VWCE: variants seen among roughly 807,000 people sequenced by gnomAD.
VWCE encodes the protein von Willebrand factor C and EGF domain-containing protein.
Under a neutral mutation model 102.9 loss-of-function variants are expected in VWCE, and 68 were observed. The observed-to-expected ratio is 0.66, with a 90% confidence interval of 0.54 to 0.81. The LOEUF (loss-of-function observed/expected upper bound fraction) is 0.81. Ranked by LOEUF, VWCE falls within the 30% of genes least tolerant of loss-of-function variation. The probability of loss-of-function intolerance (pLI) is 0.00; values close to 1 mark genes in which losing one functional copy is unlikely to be tolerated. For synonymous variants in VWCE, 497 were observed against 515.4 expected, an observed-to-expected ratio of 0.96 and a Z score of 0.48; for missense variants, 1,137 against 1,263.6, an observed-to-expected ratio of 0.90 and a Z score of 1.52.
chr11:61,261,453 T>C (rs1854356137), intron 19 of VWCE, among the ~76,000 whole-genome samples: 1 of 151,540 alleles, frequency 6.6e-6, no homozygotes, highest in Non-Finnish European at 1.5e-5. Flanking sequence ...AAAAAAATCA[T>C]CAAAAGAGGC....
chr11:61,286,442 G>A lies in VWCE; in HGVS notation c.425-12C>T, dbSNP rs1352357386. ...ACATTCGTCAATGTCTGGAAAGACA[G>A]AAAGCACGTGTTTACACAGTGGTCC... On this transcript the variant is annotated splice_polypyrimidine_tract_variant and intron_variant, in intron 4 of 19. Transcript: ENST00000335613. 6.2e-7 allele frequency: 1 copy of A among 1,606,256 alleles called. No individual in the cohort carries two copies. The highest frequency in any genetic ancestry group is 1.1e-5 in the South Asian group (1 of 90,974).
chr11:61,293,033 G>T (rs950470192), intron 1 of VWCE, among the ~76,000 whole-genome samples: 55 of 152,044 alleles, frequency 3.6e-4, no homozygotes, highest in Admixed American at 2.6e-4. Flanking sequence ...CCCGAGGTCA[G>T]GAGTTTGAGA....
chr11:61,258,684 G>A lies in VWCE; in HGVS notation c.2859C>T (p.Ser953=), dbSNP rs1854256864. Residue 953 remains serine (S), a synonymous_variant, in exon 20 of 20, where the codon TCC becomes TCT. Transcript: ENST00000335613. ...GGACACAGTGACCTCCTTACATGGT[G>A]GACTCTTCCCCCCGAGAAGCCCCCA... ...PPVGASRGEE[S]TM is the part of the protein sequence containing the mutation. 3 of 1,395,754 alleles carry A rather than the reference G, an allele frequency of 2.1e-6. No homozygotes were observed. Among genetic ancestry groups the A allele is most frequent in the African/African-American group, 1.5e-5 (1 of 68,326 alleles). 86.5% of individuals were successfully genotyped at this position (1,395,754 alleles called of 1,614,324 possible).
chr11:61,279,980 G>A (rs1348951101), intron 9 of VWCE, among the ~76,000 whole-genome samples: 1 of 152,170 alleles, frequency 6.6e-6, no homozygotes, highest in East Asian at 1.9e-4. Flanking sequence ...GCCCACCTCG[G>A]CCTCCCAAAG....
chr11:61,263,655 A>G (rs757957258), intron 19 of VWCE, among the ~76,000 whole-genome samples: 4 of 152,146 alleles, frequency 2.6e-5, no homozygotes, highest in Non-Finnish European at 5.9e-5. Flanking sequence ...TGTCCTATCT[A>G]AAAGCATCGA....
rs1242707534 is a variant in VWCE at position 61,259,201 on chromosome 11, C to G, written c.2342G>C (p.Ser781Thr). The change falls in exon 20 of 20, where the codon AGC becomes ACC. Residue 781 changes from serine (S) to threonine (T), a missense_variant. Transcript: ENST00000335613. ...HGDTEAPVNC[S>T]SCPGPPTASP... ...TGCTGTCGGGGGCCCAGGACAGGAG[C>G]TACAGTTGACAGGGGCCTCAGTGTC... is the stretch of plus-strand genomic sequence containing the variant. 3.1e-6 allele frequency: 5 copies of G among 1,614,040 alleles called. No individual in the cohort carries two copies. The highest frequency in any genetic ancestry group is 4.2e-6 in the Non-Finnish European group (5 of 1,180,032).
intron 19 of VWCE, among the ~76,000 whole-genome samples, chr11:61,262,223 G>C (rs1163885518): frequency 6.6e-6 from 1 of 152,166 alleles, no homozygotes; most frequent in Non-Finnish European, 1.5e-5. Flanking sequence ...CAAAGTGCTG[G>C]GATTACAGGC....
intron 3 of VWCE, 144 bp downstream of exon 3, chr11:61,291,120 A>T: frequency 8.2e-7 from 1 of 1,218,410 alleles, no homozygotes; most frequent in Non-Finnish European, 1.1e-6. Context: ...CAGTTTCTTC[A>T]TCTATAAAAT....
intron 6 of VWCE, 64 bp from the exon 7 acceptor site, chr11:61,281,978 T>A: frequency 1.3e-6 from 2 of 1,567,420 alleles, no homozygotes; most frequent in South Asian, 2.4e-5. Flanking sequence ...CTTCCGCCCA[T>A]CCCTTAGCTC....
rs146312385 is a variant in VWCE at position 61,273,796 on chromosome 11, G to C, written c.1582-480C>G. 555 of 162,202 alleles carry C rather than the reference G, an allele frequency of 3.4e-3. 1 individual carries two copies. The highest frequency in any genetic ancestry group is 0.013 in the African/African-American group (523 of 41,628). 10.0% of individuals were successfully genotyped at this position (162,202 alleles called of 1,614,324 possible). ...GATGGTCACCACCCCCACTCCCTGG[G>C]GAGCAGAGAGAGTCTCTATAACTGA... On this transcript the variant is annotated intron_variant, in intron 12 of 19. Coordinates refer to ENST00000335613, the MANE Select transcript of VWCE (RefSeq NM_152718.2).
intron 5 of VWCE, 44 bp from the exon 6 acceptor site, chr11:61,282,949 A>T: frequency 6.6e-7 from 1 of 1,526,064 alleles, no homozygotes; most frequent in African/African-American, 1.4e-5. Context: ...TCCCCAACAG[A>T]ACCTTGGAAA....
intron 5 of VWCE, among the ~76,000 whole-genome samples, chr11:61,283,314 C>T (rs1223843759): frequency 3.9e-5 from 6 of 152,310 alleles, no homozygotes; most frequent in East Asian, 3.9e-4. Flanking sequence ...ACAGCAATGC[C>T]GCCCCATAGC....
At chr11:61,280,585 A>G (rs762848596) in intron 9 of VWCE, 39 bp downstream of exon 9, 1 of 1,597,612 alleles carries the variant, frequency 6.3e-7, no homozygotes, top group Non-Finnish European at 8.6e-7. Context: ...AGAGAAAGGA[A>G]GAGGCAGGAC....
At chr11:61,275,440 G>A (rs1270983318) in intron 11 of VWCE, among the ~76,000 whole-genome samples, 1 of 151,158 alleles carries the variant, frequency 6.6e-6, no homozygotes, top group Non-Finnish European at 1.5e-5. Flanking sequence ...GACCGATAAG[G>A]GTTCCTATCT....
At chr11:61,288,901 C>T (rs997361647) in intron 4 of VWCE, among the ~76,000 whole-genome samples, 16 of 148,830 alleles carry the variant, frequency 1.1e-4, no homozygotes, top group East Asian at 6.0e-4. Context: ...TGCAGTGGCG[C>T]GAACTTGGCT....
At chr11:61,276,798 T>C (rs1230829776) in intron 10 of VWCE, 118 bp from the exon 11 acceptor site, 4 of 549,328 alleles carry the variant, frequency 7.3e-6, no homozygotes, top group Non-Finnish European at 1.1e-5. Context: ...AAGAAACCTT[T>C]AAAGGCTGCA....
chr11:61,274,633 G>A, intron 11 of VWCE, 49 bp from the exon 12 acceptor site: 1 of 1,577,304 alleles, frequency 6.3e-7, no homozygotes, highest in Non-Finnish European at 8.7e-7. Context: ...GGCAGAGGCA[G>A]CTAAAGAAAG....
chr11:61,263,553 G>T (rs976638495), intron 19 of VWCE, among the ~76,000 whole-genome samples: 1 of 152,204 alleles, frequency 6.6e-6, no homozygotes, highest in African/African-American at 2.4e-5. Flanking sequence ...GGAGAAATAT[G>T]TGTTGTGTTG....
At chr11:61,281,340 C>G (rs924626477) in intron 7 of VWCE, 105 bp from the exon 8 acceptor site, 6 of 1,378,614 alleles carry the variant, frequency 4.4e-6, no homozygotes, top group African/African-American at 1.4e-5. Flanking sequence ...CTGTTCACCC[C>G]CCGTGGTCTG....
Sources: allele counts gnomAD v4.1 joint callset (sites outside exome capture counted in the v4.1 genomes callset), GRCh38; gene constraint gnomAD v4.1.1; transcripts MANE v1.5; gene names NCBI Gene and HGNC (gene_info 2026-07-23, HGNC 2026-07-21).